TRPM5: variants seen among roughly 807,000 people sequenced by gnomAD.
TRPM5 encodes MLSN1 and TRP-related.
A neutral mutation model predicts 124.9 loss-of-function variants in TRPM5; 121 were observed. The ratio of observed to expected loss-of-function variants is 0.97; its 90% CI spans 0.84 to 1.13. The LOEUF (loss-of-function observed/expected upper bound fraction) is 1.13, where lower values mean the gene tolerates loss of function less well. Ranked by LOEUF, TRPM5 falls within the 50% of genes most tolerant of loss-of-function variation. The pLI is 0.00. For missense variants in TRPM5, 1,643 were observed against 1,589.1 expected (o/e 1.03, Z -0.58); for synonymous variants, 781 against 700.5 (o/e 1.11, Z -1.81).
the TRPM5 span, among the ~76,000 whole-genome samples, chr11:2,443,823 AC>A: frequency 1.8e-3 from 182 of 99,316 alleles, no homozygotes; most frequent in East Asian, 3.6e-3. This position sits in a 1 kb window ranked among gnomAD's most constrained non-coding sequence, Gnocchi z 5.0. Context: ...GCTGCCCCCC[AC>A]CCCCCCCCCA....
In TRPM5 at chr11:2,405,580, G is replaced by A. The variant is rs375858812; in HGVS notation, c.3338C>T (p.Ser1113Leu). The change falls in exon 23 of 24, where the codon TCG becomes TTG. Residue 1113 changes from serine (S) to leucine (L), a missense_variant. Transcript: ENST00000155858. ...GTCAGCCACGGAGGACACGAGCACC[G>A]AGCAGTAGTTGATCTGGAGAAGGGA... The A allele has an allele frequency of 3.2e-5, 50 of 1,563,922 alleles. No individual in the cohort carries two copies. Among genetic ancestry groups the A allele is most frequent in the South Asian group, 2.6e-4 (22 of 84,964 alleles).
chr11:2,414,385 G>A (rs1290059260), intron 11 of TRPM5, among the ~76,000 whole-genome samples, 179 bp from the exon 17 acceptor site: 2 of 152,148 alleles, frequency 1.3e-5, no homozygotes, highest in Non-Finnish European at 2.9e-5. Context: ...CTGAACCTCC[G>A]TCCTTCTCCG....
At chr11:2,435,072 T>A in the TRPM5 span, among the ~76,000 whole-genome samples, 1 of 152,100 alleles carries the variant, frequency 6.6e-6, no homozygotes, top group African/African-American at 2.4e-5. The surrounding 1 kb of genome is among the most constrained non-coding windows in gnomAD (Gnocchi z 4.1). Context: ...CAGCACTGGA[T>A]TACAGGCATG....
intron 18 of TRPM5, among the ~76,000 whole-genome samples, chr11:2,409,333 G>A (rs749159451): frequency 2.6e-5 from 4 of 151,970 alleles, no homozygotes; most frequent in Non-Finnish European, 5.9e-5. Flanking sequence ...AGCCTGGAGA[G>A]CCTGTTTGTG....
upstream of TRPM5, among the ~76,000 whole-genome samples, chr11:2,427,063 AC>A (rs1445023167): frequency 1.3e-5 from 2 of 151,994 alleles, no homozygotes; most frequent in Non-Finnish European, 2.9e-5. Context: ...TCCTGCCCAG[AC>A]CCTCTTCCAG....
intron 12 of TRPM5, 46 bp downstream of exon 17, chr11:2,414,015 C>CCCCCCCCCCCCCCCCCCCCCCA: frequency 1.3e-6 from 1 of 752,952 alleles, no homozygotes; most frequent in Non-Finnish European, 2.1e-6. Context: ...GCTCGCCCGC[C>CCCCCCCCCCCCCCCCCCCCCCA]CACCCCACCC....
At chr11:2,428,936 GTGGTAA>G in the TRPM5 span, among the ~76,000 whole-genome samples, 1 of 74,274 alleles carries the variant, frequency 1.3e-5, no homozygotes, top group Non-Finnish European at 2.2e-5. This position sits in a 1 kb window ranked among gnomAD's most constrained non-coding sequence, Gnocchi z 4.0. Context: ...GGTGATGGTG[GTGGTAA>G]TAATCATGGG....
At chr11:2,432,888 G>C in the TRPM5 span, among the ~76,000 whole-genome samples, 1 of 152,226 alleles carries the variant, frequency 6.6e-6, no homozygotes. Context: ...TGACCCCTCG[G>C]GGGGCAGCCC....
chr11:2,408,502 A>T (rs1850370702), intron 18 of TRPM5, among the ~76,000 whole-genome samples: 1 of 151,946 alleles, frequency 6.6e-6, no homozygotes, highest in Non-Finnish European at 1.5e-5. Context: ...GAGGGCACCG[A>T]TCCCGCACTG....
At chr11:2,405,251 G>A (rs1474650090) in intron 23 of TRPM5, among the ~76,000 whole-genome samples, 1 of 152,234 alleles carries the variant, frequency 6.6e-6, no homozygotes. Flanking sequence ...CCTTGAGGCC[G>A]AGGGGCCCGT....
At chr11:2,438,964 T>C in the TRPM5 span, among the ~76,000 whole-genome samples, 1 of 152,142 alleles carries the variant, frequency 6.6e-6, no homozygotes, top group Admixed American at 6.5e-5. The surrounding 1 kb of genome is among the most constrained non-coding windows in gnomAD (Gnocchi z 5.9). Context: ...AGCATAGTAC[T>C]GGTACAAAAA....
At chr11:2,412,726 G>C (rs751750573) in intron 15 of TRPM5, 28 bp downstream of exon 20, 3 of 1,553,104 alleles carry the variant, frequency 1.9e-6, no homozygotes, top group Non-Finnish European at 2.6e-6. Flanking sequence ...GCAGAGTGGA[G>C]GGGACCTAGG....
upstream of TRPM5, chr11:2,423,169 C>A: frequency 1.4e-6 from 1 of 707,330 alleles, no homozygotes. Context: ...CACAAGGAGA[C>A]CTGGGGACTG....
chr11:2,420,304 G>T (rs1010711312), exon 4 of TRPM5: 1 of 1,612,658 alleles, frequency 6.2e-7, no homozygotes, highest in Non-Finnish European at 8.5e-7. Flanking sequence ...TCCCCGGGGG[G>T]CCTGGCTCCA....
At chr11:2,427,668 GCTTCT>G (rs1293041283), upstream of TRPM5, among the ~76,000 whole-genome samples, 4 of 152,274 alleles carry the variant, frequency 2.6e-5, no homozygotes, top group Admixed American at 2.0e-4. Context: ...TGTGGACGTG[GCTTCT>G]AGGCCACTTA....
At chr11:2,433,424 G>C in the TRPM5 span, among the ~76,000 whole-genome samples, 9 of 152,250 alleles carry the variant, frequency 5.9e-5, no homozygotes, top group African/African-American at 2.2e-4. Flanking sequence ...GATGCTGGCT[G>C]TGGAGAGGCC....
rs201772666 is a variant in TRPM5 at position 2,414,764 on chromosome 11, G to A, written c.1695C>T (p.Ala565=). The change falls in exon 11 of 24, where the codon GCC becomes GCT. Residue 565 remains alanine, a synonymous_variant. Coordinates refer to ENST00000155858, the Ensembl canonical transcript of TRPM5. ...CCTCGCGCGTGGCTCGGGCCGCCTC[G>A]GCCTCCGTCTCCAGGTGCGACATCT... is the stretch of plus-strand genomic sequence containing the variant. 2.9e-5 allele frequency: 45 copies of A among 1,550,528 alleles called. 1 individual carries two copies. The highest frequency in any genetic ancestry group is 1.8e-4 in the Middle Eastern group (1 of 5,702).
chr11:2,410,072 T>C (rs1850414142), intron 18 of TRPM5, among the ~76,000 whole-genome samples: 1 of 152,276 alleles, frequency 6.6e-6, no homozygotes, highest in South Asian at 2.1e-4. Flanking sequence ...CGGGCAGTGC[T>C]GGAGGCCGTA....
At chr11:2,423,975 C>A (rs1845810599), upstream of TRPM5, among the ~76,000 whole-genome samples, 1 of 152,194 alleles carries the variant, frequency 6.6e-6, no homozygotes, top group South Asian at 2.1e-4. Flanking sequence ...TGAGGACAAG[C>A]CCTGGCAGGC....
Sources: gnomAD v4.1 joint callset for allele counts (sites outside exome capture counted in the v4.1 genomes callset) on GRCh38, gnomAD v4.1.1 for gene constraint, Gnocchi (gnomAD v3.1) non-coding constraint, MANE v1.5 for transcripts, NCBI Gene and HGNC (gene_info 2026-07-23, HGNC 2026-07-21) for gene names.